The following RPS6KA2 variants were observed in gnomAD, a reference collection of about 807,000 sequenced individuals.
RPS6KA2 encodes the protein ribosomal protein S6 kinase A2.
Under a neutral mutation model 91.8 loss-of-function variants are expected in RPS6KA2, and 42 were observed. The ratio of observed to expected loss-of-function variants is 0.46; its 90% CI spans 0.36 to 0.59. RPS6KA2 has a LOEUF of 0.59. RPS6KA2 is among the 20% of genes least tolerant of loss of function. The probability of loss-of-function intolerance (pLI) is 0.00; values close to 1 mark genes in which losing one functional copy is unlikely to be tolerated. For synonymous variants in RPS6KA2, 414 were observed against 393.6 expected (o/e 1.05, Z -0.61); for missense variants, 798 against 978.5 (o/e 0.82, Z 2.46).
chr6:166,464,827 A>AT (rs1745544171), intron 11 of RPS6KA2, among the ~76,000 whole-genome samples: 1 of 152,122 alleles, frequency 6.6e-6, no homozygotes. Flanking sequence ...TTCAGAAGGA[A>AT]TGGCTCCCGT....
chr6:166,525,870 C>T (rs74790511), intron 3 of RPS6KA2, among the ~76,000 whole-genome samples: 2,164 of 152,192 alleles, frequency 0.014, 32 homozygotes, highest in Non-Finnish European at 0.019. Flanking sequence ...GGGTGGAGAA[C>T]GGGTTAGGAG....
intron 11 of RPS6KA2, among the ~76,000 whole-genome samples, chr6:166,465,833 A>G (rs1370518218): frequency 2.0e-5 from 3 of 152,214 alleles, no homozygotes; most frequent in African/African-American, 4.8e-5. Context: ...CGTCATGGAC[A>G]TGGACACTTT....
At chr6:166,787,390 T>C (rs1239822312) in intron 2 of RPS6KA2, among the ~76,000 whole-genome samples, 11 of 152,128 alleles carry the variant, frequency 7.2e-5, no homozygotes, top group African/African-American at 2.7e-4. Flanking sequence ...TGATTTGATA[T>C]TTATGAATTA....
chr6:166,722,385 G>A (rs1383576748), intron 2 of RPS6KA2, among the ~76,000 whole-genome samples: 1 of 152,244 alleles, frequency 6.6e-6, no homozygotes, highest in African/African-American at 2.4e-5. Flanking sequence ...GAAAAATGGA[G>A]GAGCCGCAGG....
chr6:166,663,093 T>G (rs770693354), intron 2 of RPS6KA2, among the ~76,000 whole-genome samples: 1 of 152,082 alleles, frequency 6.6e-6, no homozygotes, highest in South Asian at 2.1e-4. Context: ...TCTAAAAGGA[T>G]GAACCAATCC....
intron 3 of RPS6KA2, among the ~76,000 whole-genome samples, chr6:166,519,948 G>T (rs1782793174): frequency 6.6e-6 from 1 of 152,216 alleles, no homozygotes; most frequent in Non-Finnish European, 1.5e-5. Flanking sequence ...GTGTGTGTGT[G>T]AGGGCGTTTC....
At chr6:166,758,672 A>G (rs1212533503) in intron 2 of RPS6KA2, among the ~76,000 whole-genome samples, 2 of 152,234 alleles carry the variant, frequency 1.3e-5, no homozygotes, top group East Asian at 1.9e-4. Context: ...CTTCGAGGTG[A>G]CAGACAATAG....
At chr6:166,745,644 T>C (rs1175168032) in intron 2 of RPS6KA2, among the ~76,000 whole-genome samples, 3 of 152,206 alleles carry the variant, frequency 2.0e-5, no homozygotes, top group African/African-American at 7.2e-5. Flanking sequence ...CCCCAAAGCC[T>C]GGGTTTCCAC....
chr6:166,600,191 AG>A (rs1164585723), intron 1 of RPS6KA2, among the ~76,000 whole-genome samples: 1 of 152,116 alleles, frequency 6.6e-6, no homozygotes, highest in East Asian at 1.9e-4. Context: ...TTTTGTTTTT[AG>A]TACAGACAAG....
chr6:166,756,320 A>T (rs1313196135), intron 2 of RPS6KA2, among the ~76,000 whole-genome samples: 1 of 152,204 alleles, frequency 6.6e-6, no homozygotes, highest in Non-Finnish European at 1.5e-5. Context: ...ATGTGCACAC[A>T]GTTGGAAAGT....
chr6:166,721,464 T>G (rs1790171760), intron 2 of RPS6KA2, among the ~76,000 whole-genome samples: 1 of 152,220 alleles, frequency 6.6e-6, no homozygotes, highest in South Asian at 2.1e-4. Flanking sequence ...GCCAGAGATT[T>G]TACCAGATGG....
intron 2 of RPS6KA2, among the ~76,000 whole-genome samples, chr6:166,712,163 G>T (rs1425413068): frequency 6.6e-6 from 1 of 152,212 alleles, no homozygotes; most frequent in Non-Finnish European, 1.5e-5. Flanking sequence ...AGAGGCTCAG[G>T]GTCACTGGGG....
At chr6:166,420,794 T>C (rs1778695704) in intron 17 of RPS6KA2, among the ~76,000 whole-genome samples, 2 of 152,230 alleles carry the variant, frequency 1.3e-5, no homozygotes, top group African/African-American at 4.8e-5. Flanking sequence ...TTTAATTTTT[T>C]TGAAGAACTG....
chr6:166,467,995 C>T (rs796611207), intron 11 of RPS6KA2, among the ~76,000 whole-genome samples: 33 of 152,374 alleles, frequency 2.2e-4, no homozygotes, highest in African/African-American at 7.7e-4. Context: ...GCTGTGACCC[C>T]CTGAGGGGCA....
intron 2 of RPS6KA2, among the ~76,000 whole-genome samples, chr6:166,660,878 C>T (rs1788144574): frequency 1.3e-5 from 2 of 152,042 alleles, no homozygotes; most frequent in South Asian, 4.1e-4. Context: ...CATTCATGAA[C>T]GTAAATCGTG....
intron 12 of RPS6KA2, among the ~76,000 whole-genome samples, chr6:166,454,473 G>A (rs1459349755): frequency 6.6e-6 from 1 of 152,254 alleles, no homozygotes; most frequent in East Asian, 1.9e-4. Flanking sequence ...ACTCTAGCCT[G>A]GGTGACAGAG....
intron 2 of RPS6KA2, among the ~76,000 whole-genome samples, chr6:166,819,163 C>T (rs966939749): frequency 3.3e-5 from 5 of 152,118 alleles, no homozygotes; most frequent in African/African-American, 9.7e-5. Flanking sequence ...CACCCCATTG[C>T]TACTCATTCT....
At chr6:166,794,035 A>T (rs1408805572) in intron 2 of RPS6KA2, among the ~76,000 whole-genome samples, 1 of 140,548 alleles carries the variant, frequency 7.1e-6, no homozygotes. Flanking sequence ...GCTTCTGCAC[A>T]GCAAAAGAAA....
At chr6:166,524,742 G>A (rs75232647) in intron 3 of RPS6KA2, among the ~76,000 whole-genome samples, 1,740 of 152,266 alleles carry the variant, frequency 0.011, 30 homozygotes, top group African/African-American at 0.036. Flanking sequence ...GCCTCACGTC[G>A]GCAATGATGT....
Sources: allele counts gnomAD v4.1 joint callset (sites outside exome capture counted in the v4.1 genomes callset), GRCh38; gene constraint gnomAD v4.1.1; transcripts MANE v1.5; gene names NCBI Gene and HGNC (gene_info 2026-07-23, HGNC 2026-07-21).